The following FAM163A variants were observed in gnomAD, a reference collection of about 807,000 sequenced individuals.
The protein encoded by FAM163A is family with sequence similarity 163 member A, also known as protein FAM163A.
Under a neutral mutation model 12.0 loss-of-function variants are expected in FAM163A, and 7 were observed. The ratio of observed to expected loss-of-function variants is 0.58; its 90% CI spans 0.33 to 1.10. The LOEUF is 1.10. Among genes scored for constraint, FAM163A ranks in the 50% least tolerant of loss-of-function variants. The pLI is 0.03. For missense variants in FAM163A, 202 were observed against 218.6 expected (o/e 0.92, Z 0.48); for synonymous variants, 101 against 91.0 (o/e 1.11, Z -0.62).
At chr1:179,733,342 G>T in the FAM163A span, among the ~76,000 whole-genome samples, 4 of 152,058 alleles carry the variant, frequency 2.6e-5, no homozygotes, top group South Asian at 8.3e-4. Context: ...ATCTGTTTTT[G>T]CAGTATGATT....
At chr1:179,768,804 C>G (rs1256830150) in intron 1 of FAM163A, among the ~76,000 whole-genome samples, 2 of 152,076 alleles carry the variant, frequency 1.3e-5, no homozygotes, top group Non-Finnish European at 2.9e-5. Flanking sequence ...CGGGGTTTCA[C>G]CATGTTGGCC....
At chr1:179,756,057 C>T (rs1040104744) in intron 1 of FAM163A, among the ~76,000 whole-genome samples, 1 of 152,196 alleles carries the variant, frequency 6.6e-6, no homozygotes, top group Non-Finnish European at 1.5e-5. Context: ...TGGGCATCTA[C>T]TCTAGGCCCA....
intron 1 of FAM163A, among the ~76,000 whole-genome samples, chr1:179,780,452 T>C (rs1311323395): frequency 6.6e-6 from 1 of 152,188 alleles, no homozygotes; most frequent in Non-Finnish European, 1.5e-5. Context: ...AGAAGTGAAA[T>C]TGAAACAAAG....
At chr1:179,783,732 A>ATATATATATAT (rs1557940057) in intron 1 of FAM163A, among the ~76,000 whole-genome samples, 2 of 76,016 alleles carry the variant, frequency 2.6e-5, no homozygotes, top group African/African-American at 1.5e-4. Context: ...AATTTTATAT[A>ATATATATATAT]ATTGAGCCCA....
upstream of FAM163A, among the ~76,000 whole-genome samples, chr1:179,739,047 T>A (rs1683326114): frequency 1.3e-5 from 2 of 152,032 alleles, no homozygotes; most frequent in South Asian, 4.1e-4. Flanking sequence ...TTGACAAAGG[T>A]GCAAAAGCAA....
intron 2 of FAM163A, among the ~76,000 whole-genome samples, chr1:179,810,433 G>C (rs992048114): frequency 2.0e-5 from 3 of 152,168 alleles, no homozygotes; most frequent in African/African-American, 7.2e-5. Context: ...TTCCTTGACC[G>C]GGTTGCAGCC....
chr1:179,815,037 A>G lies in FAM163A; in HGVS notation c.*848A>G, dbSNP rs1326946291. ...TCTCTCGGCCCAGCCCACCACGCCG[A>G]GTAGCTTGTGTGGATGCAGTCCTGT... On this transcript the variant is annotated 3_prime_UTR_variant, in exon 5 of 5. Transcript: ENST00000341785. 1.3e-5 allele frequency: 2 copies of G among 152,020 alleles called. No homozygotes were observed. The highest frequency in any genetic ancestry group is 2.9e-5 in the Non-Finnish European group (2 of 68,034). The allele number at this position is 152,020 out of a possible 1,614,324, so 9.4% of individuals were successfully genotyped here.
At chr1:179,811,214 A>G (rs1055376551) in intron 2 of FAM163A, among the ~76,000 whole-genome samples, 2 of 152,168 alleles carry the variant, frequency 1.3e-5, no homozygotes, top group African/African-American at 4.8e-5. Flanking sequence ...CCTGCAGGCA[A>G]TGTGGTGCAT....
At chr1:179,739,699 G>T (rs1461931148), upstream of FAM163A, among the ~76,000 whole-genome samples, 1 of 152,054 alleles carries the variant, frequency 6.6e-6, no homozygotes, top group African/African-American at 2.4e-5. Context: ...CAGTCAAAAA[G>T]ACAAAACAAT....
intron 1 of FAM163A, among the ~76,000 whole-genome samples, chr1:179,747,102 A>G (rs892545714): frequency 6.6e-6 from 1 of 152,082 alleles, no homozygotes; most frequent in African/African-American, 2.4e-5. Flanking sequence ...AGGGCAAAAG[A>G]TACGTAGGAG....
intron 2 of FAM163A, among the ~76,000 whole-genome samples, chr1:179,810,787 C>T (rs1049373385): frequency 6.6e-6 from 1 of 152,146 alleles, no homozygotes; most frequent in Non-Finnish European, 1.5e-5. Flanking sequence ...AATCCCAGCA[C>T]TTTGGGAGGC....
intron 1 of FAM163A, among the ~76,000 whole-genome samples, chr1:179,797,604 G>A (rs1692518055): frequency 1.3e-5 from 2 of 152,016 alleles, no homozygotes; most frequent in Non-Finnish European, 2.9e-5. Context: ...AAAAAACAAA[G>A]TATGTGAGGT....
intron 1 of FAM163A, among the ~76,000 whole-genome samples, chr1:179,791,191 A>C (rs1691441567): frequency 1.3e-5 from 2 of 152,192 alleles, no homozygotes; most frequent in South Asian, 4.1e-4. Flanking sequence ...CAAGGAACCT[A>C]ACGTTATGAG....
chr1:179,749,462 T>G (rs1471354258), intron 1 of FAM163A, among the ~76,000 whole-genome samples: 1 of 152,200 alleles, frequency 6.6e-6, no homozygotes, highest in African/African-American at 2.4e-5. Flanking sequence ...TTTCTCTGGA[T>G]TTGGCCAGTG....
In FAM163A at chr1:179,808,654, A is replaced by T. The variant is rs1057393043; in HGVS notation, c.-45+766A>T. On this transcript the variant is annotated intron_variant, in intron 2 of 4. Coordinates refer to ENST00000341785, the MANE Select transcript of FAM163A (RefSeq NM_173509.3). ...TATATAATCTATTCACAGAAGTGAC[A>T]TCCCATTACCCATGCTGTTTTCGAT... Among the ~76,000 whole-genome samples, 3 of 152,234 alleles carry T rather than the reference A, an allele frequency of 2.0e-5. 1 individual carries two copies. The highest frequency in any genetic ancestry group is 1.3e-4 in the Admixed American group (2 of 15,288).
chr1:179,747,112 G>A (rs1474434416), intron 1 of FAM163A, among the ~76,000 whole-genome samples: 1 of 152,008 alleles, frequency 6.6e-6, no homozygotes, highest in Non-Finnish European at 1.5e-5. Flanking sequence ...ATACGTAGGA[G>A]GGCTATTTCT....
intron 1 of FAM163A, among the ~76,000 whole-genome samples, chr1:179,767,470 T>A (rs1687664503): frequency 6.6e-6 from 1 of 152,180 alleles, no homozygotes; most frequent in Admixed American, 6.5e-5. Context: ...ACTACACATT[T>A]GTATCTGTCA....
chr1:179,804,963 T>C (rs968055271), intron 1 of FAM163A, among the ~76,000 whole-genome samples: 1 of 152,198 alleles, frequency 6.6e-6, no homozygotes, highest in African/African-American at 2.4e-5. Flanking sequence ...AAATAAAAGT[T>C]TTTTAAAAAG....
At chr1:179,750,963 G>A (rs1685194464) in intron 1 of FAM163A, among the ~76,000 whole-genome samples, 1 of 152,162 alleles carries the variant, frequency 6.6e-6, no homozygotes, top group Admixed American at 6.5e-5. Context: ...GAAGGGTGTG[G>A]AGGATGAGTT....
Sources: allele counts gnomAD v4.1 joint callset (sites outside exome capture counted in the v4.1 genomes callset), GRCh38; gene constraint gnomAD v4.1.1; transcripts MANE v1.5; gene names NCBI Gene and HGNC (gene_info 2026-07-23, HGNC 2026-07-21).